Variants in SAG observed in about 807,000 individuals in gnomAD.
The protein encoded by SAG is S-antigen visual arrestin.
A neutral mutation model predicts 55.0 loss-of-function variants in SAG; 45 were observed. The ratio of observed to expected loss-of-function variants is 0.82; its 90% confidence interval spans 0.64 to 1.05. SAG has a LOEUF of 1.05. Ranked by LOEUF, SAG falls within the 50% of genes least tolerant of loss-of-function variation. The probability of loss-of-function intolerance (pLI) is 0.00; values close to 1 mark genes in which losing one functional copy is unlikely to be tolerated. For missense variants in SAG, 455 were observed against 512.1 expected, an observed-to-expected ratio of 0.89 and a Z score of 1.08; for synonymous variants, 189 against 197.4, an observed-to-expected ratio of 0.96 and a Z score of 0.36.
rs763815691 is a variant in SAG at position 233,328,489 on chromosome 2, G to T, written c.524G>T (p.Arg175Leu). The T allele has an allele frequency of 3.7e-6, 6 of 1,613,596 alleles. No individual in the cohort carries two copies. In the Admixed American group the frequency reaches 5.0e-5, roughly 13 times the overall value. The change falls in exon 8 of 16, where the codon CGA (arginine) becomes CTA (leucine). Residue 175 changes from arginine to leucine, a missense_variant. Transcript: ENST00000409110. ...GCTGTTTCCCACAGGAGCTCCGTGC[G>T]ATTACTGATCCGCAAAGTACAGCAT... ...EDKIPKKSSVRLLIRKVQHAP... is the reference protein window; with the variant it reads ...EDKIPKKSSVLLLIRKVQHAP...
chr2:233,328,889 GCC>G, intron 8 of SAG: 1 of 394,658 alleles, frequency 2.5e-6, no homozygotes. Flanking sequence ...TCACATACCT[GCC>G]CCCCAGCTGT....
intron 14 of SAG, chr2:233,346,178 ATAAAAT>A: frequency 1.5e-5 from 4 of 259,648 alleles, no homozygotes; most frequent in East Asian, 6.7e-5. Context: ...AAAATAAAAT[ATAAAAT>A]AAATAAAATG....
intron 6 of SAG, among the ~76,000 whole-genome samples, chr2:233,324,548 G>A (rs1391104996): frequency 3.3e-5 from 5 of 152,206 alleles, no homozygotes; most frequent in South Asian, 4.1e-4. Context: ...AATGACAGGC[G>A]CTGACTTTCC....
intron 3 of SAG, among the ~76,000 whole-genome samples, chr2:233,318,040 C>G (rs1233359136): frequency 6.6e-6 from 1 of 152,160 alleles, no homozygotes; most frequent in African/African-American, 2.4e-5. Context: ...GTGGCACAGT[C>G]ACAGCTCACT....
At chr2:233,346,715 C>G (rs953924373) in intron 15 of SAG, 92 bp from the exon 16 acceptor site, 1 of 906,096 alleles carries the variant, frequency 1.1e-6, no homozygotes, top group Non-Finnish European at 1.8e-6. Context: ...AAACCTTGAT[C>G]AGTTCCTTCG....
At chr2:233,325,800 G>A (rs959915119) in intron 6 of SAG, among the ~76,000 whole-genome samples, 1 of 152,242 alleles carries the variant, frequency 6.6e-6, no homozygotes, top group African/African-American at 2.4e-5. Flanking sequence ...TGAGCCCAGG[G>A]AGCTTGAGAG....
intron 9 of SAG, among the ~76,000 whole-genome samples, chr2:233,331,237 G>A (rs1256730090): frequency 6.6e-6 from 1 of 152,194 alleles, no homozygotes; most frequent in Non-Finnish European, 1.5e-5. Context: ...CAAACAGCCT[G>A]GCTCCAGGCC....
intron 14 of SAG, 184 bp downstream of exon 14, chr2:233,342,510 C>A: frequency 3.3e-6 from 2 of 609,522 alleles, no homozygotes; most frequent in Non-Finnish European, 5.9e-6. Flanking sequence ...CAGCGCTGAG[C>A]CGGGTAGATT....
chr2:233,319,912 TGGC>T lies in SAG; in HGVS notation c.182-715_182-713del. On this transcript the variant is annotated intron_variant, in intron 4 of 15. Transcript: ENST00000409110. This position sits in a 1 kb window ranked among gnomAD's most constrained non-coding sequence, Gnocchi z 4.4. ...TCTCAACCAACAGCTACCACGCACT[TGGC>T]GGGGCCGCCTCTCGTGCTTTATATT... 1.0e-6 allele frequency: 1 copy of T among 985,646 alleles called. No individual in the cohort carries two copies. The highest frequency in any genetic ancestry group is 1.2e-6 in the Non-Finnish European group (1 of 829,944). The allele number at this position is 985,646 out of a possible 1,614,324, so 61.1% of individuals were successfully genotyped here.
intron 6 of SAG, among the ~76,000 whole-genome samples, chr2:233,326,199 C>G (rs6710735): frequency 0.73 from 111,793 of 152,112 alleles, 41,575 homozygotes; most frequent in African/African-American, 0.84. Context: ...ACTGGCAGAT[C>G]CGTTCATTCA....
intron 2 of SAG, among the ~76,000 whole-genome samples, chr2:233,314,601 T>A (rs1456617373): frequency 6.6e-6 from 1 of 152,184 alleles, no homozygotes; most frequent in Non-Finnish European, 1.5e-5. Context: ...TGTGTCCCGG[T>A]CAGCCCGCTG....
At chr2:233,310,086 C>T (rs1270871513) in intron 2 of SAG, among the ~76,000 whole-genome samples, 1 of 152,214 alleles carries the variant, frequency 6.6e-6, no homozygotes, top group African/African-American at 2.4e-5. Flanking sequence ...GCCCCCTTTC[C>T]ACCACTCTCC....
At chr2:233,309,011 C>T (rs995765016) in intron 1 of SAG, 151 bp from the exon 2 acceptor site, 12 of 545,924 alleles carry the variant, frequency 2.2e-5, no homozygotes, top group Admixed American at 6.3e-5. Context: ...AAAGACTCAC[C>T]GATGAAACTC....
At chr2:233,330,234 A>G (rs919493208) in intron 9 of SAG, among the ~76,000 whole-genome samples, 7 of 152,326 alleles carry the variant, frequency 4.6e-5, no homozygotes, top group Admixed American at 2.0e-4. Context: ...CTCTAAGTTC[A>G]CTTTTTAACT....
rs771372711 is a variant in SAG at position 233,309,379 on chromosome 2, G to A, written c.75+115G>A. On this transcript the variant is annotated intron_variant, in intron 2 of 15. Transcript: ENST00000409110. The stretch of plus-strand genomic sequence containing the variant: ...CAAAACTCTTTGAGGGCCAGGGCGC[G>A]GTGGCTCATGCCTGTAATCCCAGCA... 4.1e-4 allele frequency: 369 copies of A among 910,112 alleles called. No homozygotes were observed. The Middle Eastern group carries it at 4.8e-3, about 12-fold the overall frequency. 56.4% of individuals were successfully genotyped at this position (910,112 alleles called of 1,614,324 possible). A position where few individuals can be genotyped will look rare whatever the true frequency, so the allele number is the denominator to read the frequency against.
chr2:233,334,904 T>A, intron 10 of SAG, 58 bp from the exon 11 acceptor site: 1 of 1,594,620 alleles, frequency 6.3e-7, no homozygotes, highest in Non-Finnish European at 8.6e-7. Flanking sequence ...AAATAGGGGC[T>A]CATGGGGTCC....
chr2:233,318,876 C>T (rs778578330), intron 4 of SAG, 81 bp downstream of exon 4: 23 of 1,241,398 alleles, frequency 1.9e-5, no homozygotes, highest in Non-Finnish European at 2.5e-5. Flanking sequence ...GGGGCATTTA[C>T]ATGGAAGGAG....
chr2:233,329,510 G>T lies in SAG; in HGVS notation c.666G>T (p.Glu222Asp). Residue 222 changes from glutamate to aspartate, a missense_variant, in exon 9 of 16, where the codon GAG (glutamate) becomes GAT (aspartate). Glu to Asp is a conservative substitution (Grantham distance 45, BLOSUM62 2). Coordinates refer to ENST00000409110, the MANE Select transcript of SAG (RefSeq NM_000541.5). ...SLNKEIYFHG[E>D]PIPVTVTVTN... ...TTTTCTAGATCTATTTCCATGGGGA[G>T]CCCATCCCTGTGACCGTGACTGTCA... The T allele has an allele frequency of 1.9e-6, 3 of 1,612,630 alleles. No homozygotes were observed. Among genetic ancestry groups the T allele is most frequent in the Non-Finnish European group, 2.5e-6 (3 of 1,178,664 alleles).
chr2:233,311,565 T>C (rs1390666756), intron 2 of SAG, among the ~76,000 whole-genome samples: 1 of 152,150 alleles, frequency 6.6e-6, no homozygotes, highest in Non-Finnish European at 1.5e-5. Context: ...GAACAATAGT[T>C]GGCGGCTTTT....
Sources: allele counts gnomAD v4.1 joint callset (sites outside exome capture counted in the v4.1 genomes callset), GRCh38; gene constraint gnomAD v4.1.1; non-coding constraint Gnocchi (gnomAD v3.1); transcripts MANE v1.5; gene names NCBI Gene and HGNC (gene_info 2026-07-23, HGNC 2026-07-21).